The following TESC variants were observed in gnomAD, a reference collection of about 807,000 sequenced individuals.
TESC encodes calcineurin B homologous protein 3.
In TESC, 19 loss-of-function variants were observed where a neutral mutation model predicts 31.0. The ratio of observed to expected loss-of-function variants is 0.61; its 90% CI spans 0.43 to 0.90. The LOEUF is 0.90. Among genes scored for constraint, TESC ranks in the 40% least tolerant of loss-of-function variants. TESC has a pLI of 0.00. For missense variants in TESC, 248 were observed against 303.8 expected (o/e 0.82, Z 1.36); for synonymous variants, 109 against 114.8 (o/e 0.95, Z 0.32).
At chr12:117,076,880 C>T (rs1372123041) in intron 1 of TESC, among the ~76,000 whole-genome samples, 1 of 152,188 alleles carries the variant, frequency 6.6e-6, no homozygotes, top group Non-Finnish European at 1.5e-5. Context: ...GAAGTAATAT[C>T]GCCTGTCTGC....
At chr12:117,062,761 G>A (rs1320362329) in intron 2 of TESC, among the ~76,000 whole-genome samples, 3 of 152,222 alleles carry the variant, frequency 2.0e-5, no homozygotes, top group African/African-American at 7.2e-5. Flanking sequence ...ACTCGTGTCA[G>A]TTTTGTTTTC....
chr12:117,047,673 C>A (rs969659652), intron 4 of TESC, among the ~76,000 whole-genome samples: 1 of 152,122 alleles, frequency 6.6e-6, no homozygotes, highest in Non-Finnish European at 1.5e-5. Flanking sequence ...ATCCACCCAC[C>A]TCAGCCTCCC....
intron 1 of TESC, among the ~76,000 whole-genome samples, chr12:117,075,837 G>A (rs1335104667): frequency 3.1e-5 from 1 of 32,678 alleles, no homozygotes; most frequent in South Asian, 1.4e-3. Context: ...GCTAATTTTC[G>A]TGTGTGTGTG....
intron 2 of TESC, among the ~76,000 whole-genome samples, chr12:117,070,520 GCACCTCCCC>G (rs991522859): frequency 1.3e-5 from 2 of 152,074 alleles, no homozygotes; most frequent in African/African-American, 4.8e-5. Flanking sequence ...AATTATAAAC[GCACCTCCCC>G]CACCCCCAGT....
At chr12:117,080,512 T>C (rs1404106659) in intron 1 of TESC, among the ~76,000 whole-genome samples, 1 of 152,158 alleles carries the variant, frequency 6.6e-6, no homozygotes, top group Admixed American at 6.5e-5. Flanking sequence ...CTGTCCTGCC[T>C]GATTGAAAGC....
chr12:117,091,418 C>T (rs1014120749), intron 1 of TESC, among the ~76,000 whole-genome samples: 3 of 152,206 alleles, frequency 2.0e-5, no homozygotes, highest in Non-Finnish European at 1.5e-5. Context: ...GGCCGTATGG[C>T]ATGTCTGAGA....
intron 1 of TESC, among the ~76,000 whole-genome samples, chr12:117,094,978 T>C (rs536764006): frequency 7.0e-6 from 1 of 143,630 alleles, no homozygotes; most frequent in South Asian, 2.3e-4. Context: ...ATCGCGCCAC[T>C]GCACTCCAGC....
intron 2 of TESC, among the ~76,000 whole-genome samples, chr12:117,068,225 C>G (rs1172934222): frequency 3.3e-5 from 5 of 151,694 alleles, no homozygotes; most frequent in African/African-American, 9.7e-5. Flanking sequence ...AATGACAGAG[C>G]AGTGGTAAGA....
intron 3 of TESC, among the ~76,000 whole-genome samples, chr12:117,053,740 G>GCGCGCA (rs1173987914): frequency 1.3e-5 from 2 of 151,856 alleles, no homozygotes; most frequent in African/African-American, 2.4e-5. Flanking sequence ...TCTCGCGTGC[G>GCGCGCA]CGCGCACGCG....
intron 1 of TESC, among the ~76,000 whole-genome samples, chr12:117,094,146 T>A (rs1955360161): frequency 6.6e-6 from 1 of 152,226 alleles, no homozygotes; most frequent in Non-Finnish European, 1.5e-5. Context: ...GGGCTTTTCA[T>A]ATGAATCTTA....
chr12:117,067,401 C>CA (rs941509882), intron 2 of TESC, among the ~76,000 whole-genome samples: 25 of 152,060 alleles, frequency 1.6e-4, no homozygotes, highest in African/African-American at 5.3e-4. Context: ...CGCATCTCTA[C>CA]AAAAAAATTT....
chr12:117,086,125 G>C (rs1295916106), intron 1 of TESC, among the ~76,000 whole-genome samples: 3 of 152,220 alleles, frequency 2.0e-5, no homozygotes, highest in Non-Finnish European at 4.4e-5. Flanking sequence ...GTGGTCGCCA[G>C]GGGCTGGGAG....
intron 1 of TESC, among the ~76,000 whole-genome samples, chr12:117,075,887 A>ATATATATATATATATATATGTGTGTGTG (rs1565971506): frequency 1.6e-5 from 1 of 62,426 alleles, no homozygotes; most frequent in South Asian, 4.5e-4. Context: ...ATATATATAT[A>ATATATATATATATATATATGTGTGTGTG]TATATATATA....
At chr12:117,090,629 A>G (rs2098042940) in intron 1 of TESC, among the ~76,000 whole-genome samples, 1 of 152,186 alleles carries the variant, frequency 6.6e-6, no homozygotes, top group South Asian at 2.1e-4. Context: ...AGACAGTAAG[A>G]GGCAATACCA....
intron 3 of TESC, among the ~76,000 whole-genome samples, chr12:117,051,814 G>A: frequency 6.6e-6 from 1 of 152,092 alleles, no homozygotes; most frequent in East Asian, 1.9e-4. Flanking sequence ...GAGTGCTCCC[G>A]CAGGTCTGAA....
chr12:117,075,903 A>ATGTGTGTGTGTGTGTG (rs1401695484), intron 1 of TESC, among the ~76,000 whole-genome samples: 1 of 82,794 alleles, frequency 1.2e-5, no homozygotes, highest in African/African-American at 8.4e-5. Flanking sequence ...ATATATATAT[A>ATGTGTGTGTGTGTGTG]TATATATATA....
At chr12:117,041,773 C>A (rs568086233) in intron 7 of TESC, among the ~76,000 whole-genome samples, 174 bp downstream of exon 7, 13 of 152,284 alleles carry the variant, frequency 8.5e-5, no homozygotes, top group African/African-American at 3.1e-4. Flanking sequence ...TAAGAAAAAC[C>A]AGTTTAAATT....
In TESC at chr12:117,061,782, A is replaced by G. The variant is rs574534127; in HGVS notation, c.129-4896T>C. ...GATGGGTGCAGACCTAATCCTTCCC[A>G]TATCAAAGGGGATGGTTCAGGGTCA... On this transcript the variant is annotated intron_variant, in intron 2 of 7. Transcript: ENST00000335209. Among the ~76,000 whole-genome samples, 5 of 152,186 alleles carry G rather than the reference A, an allele frequency of 3.3e-5. No individual in the cohort carries two copies. In the South Asian group the frequency reaches 6.2e-4, roughly 19 times the overall value.
chr12:117,091,425 G>C (rs185929908), intron 1 of TESC, among the ~76,000 whole-genome samples: 2 of 152,202 alleles, frequency 1.3e-5, no homozygotes, highest in Admixed American at 1.3e-4. Flanking sequence ...TGGCATGTCT[G>C]AGAGTTGATT....
Sources: allele counts gnomAD v4.1 joint callset (sites outside exome capture counted in the v4.1 genomes callset), GRCh38; gene constraint gnomAD v4.1.1; transcripts MANE v1.5; gene names NCBI Gene and HGNC (gene_info 2026-07-23, HGNC 2026-07-21).